The following ANKS3 variants were observed in gnomAD, a reference collection of about 807,000 sequenced individuals.
The protein encoded by ANKS3 is ankyrin repeat and SAM domain-containing protein 3.
ANKS3 carries 62 observed loss-of-function variants against 80.7 expected under a neutral mutation model. The ratio of observed to expected loss-of-function variants is 0.77; its 90% CI spans 0.63 to 0.95. The LOEUF is 0.95. ANKS3 is among the 40% of genes least tolerant of loss of function. The probability of loss-of-function intolerance (pLI) is 0.00; values close to 1 mark genes in which losing one functional copy is unlikely to be tolerated. For synonymous variants in ANKS3, 489 were observed against 355.3 expected (o/e 1.38, Z -4.23); for missense variants, 1,150 against 883.6 (o/e 1.30, Z -3.82).
intron 8 of ANKS3, among the ~76,000 whole-genome samples, chr16:4,703,413 C>G (rs1333972244): frequency 1.4e-5 from 2 of 140,992 alleles, no homozygotes; most frequent in East Asian, 2.3e-4. Flanking sequence ...CTGCACCTGG[C>G]CCCCCCAATT....
intron 6 of ANKS3, 48 bp from the exon 7 acceptor site, chr16:4,714,234 C>T: frequency 3.1e-6 from 5 of 1,604,898 alleles, no homozygotes; most frequent in Non-Finnish European, 4.3e-6. Flanking sequence ...TTCAAAGCAC[C>T]TGCCCTTCCT....
At chr16:4,701,854 C>A in intron 9 of ANKS3, 1 of 506,626 alleles carries the variant, frequency 2.0e-6, no homozygotes, top group East Asian at 3.4e-5. Flanking sequence ...GCCCTGAAAG[C>A]CTCAGGGGCT....
chr16:4,698,200 G>A (rs1282103339), intron 14 of ANKS3, 138 bp from the exon 15 acceptor site: 2 of 1,155,780 alleles, frequency 1.7e-6, no homozygotes, highest in African/African-American at 3.1e-5. Flanking sequence ...AGTGCCCCAT[G>A]AGGCTGCACT....
Position 4,714,110 on chromosome 16 carries a change from A to G in ANKS3, c.650T>C (p.Ile217Thr), listed in dbSNP as rs765380739. The stretch of plus-strand genomic sequence containing the variant: ...CGAGTAAGTGTCCATCAAGGCCACG[A>G]TCTTCATGTGTCCGTACTGCTTGGC... ...MLAKQYGHMK[I>T]VALMDTYSPS... Residue 217 changes from isoleucine (I) to threonine (T), a missense_variant, in exon 7 of 18, where the codon ATC (isoleucine) becomes ACC (threonine). Ile to Thr is a moderately conservative substitution (Grantham distance 89, BLOSUM62 -1). Transcript: ENST00000304283. The G allele has an allele frequency of 6.2e-7, 1 of 1,614,132 alleles. No homozygotes were observed. The highest frequency in any genetic ancestry group is 2.2e-5 in the East Asian group (1 of 44,878).
intron 7 of ANKS3, among the ~76,000 whole-genome samples, chr16:4,710,623 C>T (rs994105297): frequency 6.6e-6 from 1 of 151,954 alleles, no homozygotes; most frequent in Non-Finnish European, 1.5e-5. Flanking sequence ...GTAGAAGGAT[C>T]GTTTTGAGCC....
intron 6 of ANKS3, among the ~76,000 whole-genome samples, chr16:4,720,876 G>A (rs1197619639): frequency 2.0e-5 from 3 of 150,500 alleles, no homozygotes; most frequent in African/African-American, 7.3e-5. Flanking sequence ...GGCAGAGGTT[G>A]CAATGAGCCG....
At chr16:4,727,898 A>G (rs1011286977) in intron 3 of ANKS3, 1 of 153,054 alleles carries the variant, frequency 6.5e-6, no homozygotes, top group Middle Eastern at 3.4e-3. Context: ...CAAGGGAGTC[A>G]CATTTAAAAT....
At chr16:4,706,963 T>C (rs908616302) in intron 7 of ANKS3, among the ~76,000 whole-genome samples, 1 of 152,182 alleles carries the variant, frequency 6.6e-6, no homozygotes, top group Admixed American at 6.5e-5. Context: ...TGGGCCACTC[T>C]GTCCTTCCCC....
chr16:4,709,662 C>G (rs2080384070), intron 7 of ANKS3, among the ~76,000 whole-genome samples: 1 of 152,110 alleles, frequency 6.6e-6, no homozygotes. Flanking sequence ...TTTGTGGCAA[C>G]ATGAATAAGC....
At chr16:4,730,297 T>G (rs2081552973) in intron 2 of ANKS3, 146 bp from the exon 3 acceptor site, 1 of 708,720 alleles carries the variant, frequency 1.4e-6, no homozygotes, top group Non-Finnish European at 2.0e-6. Context: ...GACAAATTTA[T>G]TTGCTGAAAT....
At chr16:4,710,164 A>G (rs1053881682) in intron 7 of ANKS3, among the ~76,000 whole-genome samples, 1 of 152,204 alleles carries the variant, frequency 6.6e-6, no homozygotes, top group African/African-American at 2.4e-5. Flanking sequence ...CAATAGGTGT[A>G]AAATTACAGA....
At chr16:4,727,344 C>T (rs746746211) in intron 3 of ANKS3, 167 bp from the exon 4 acceptor site, 3 of 686,840 alleles carry the variant, frequency 4.4e-6, no homozygotes, top group Non-Finnish European at 7.5e-6. Flanking sequence ...AAAATGCTGA[C>T]AGTTGCTCGT....
Position 4,726,773 on chromosome 16 carries a change from G to C in ANKS3, c.377C>G (p.Ala126Gly). The C allele has an allele frequency of 6.2e-7, 1 of 1,612,948 alleles. No individual in the cohort carries two copies. Among genetic ancestry groups the C allele is most frequent in the Non-Finnish European group, 8.5e-7 (1 of 1,179,040 alleles). Residue 126 changes from alanine to glycine, a missense_variant, in exon 5 of 18, where the codon GCA becomes GGA. Coordinates refer to ENST00000304283, the MANE Select transcript of ANKS3 (RefSeq NM_133450.4). Reference protein sequence around the residue: ...SIAYFLLQQGAELEMKDIQGW... With the variant: ...SIAYFLLQQGGELEMKDIQGW... ...CTGGATGTCTTTCATTTCTAGCTCT[G>C]CACCTTGCTTCAAGAGAACACAGAA... is the stretch of plus-strand genomic sequence containing the variant.
At chr16:4,697,883 C>G in intron 15 of ANKS3, 94 bp downstream of exon 15, 2 of 1,198,592 alleles carry the variant, frequency 1.7e-6, no homozygotes, top group Non-Finnish European at 2.3e-6. Context: ...GGCTGCCGGC[C>G]GGAGAACCAG....
intron 10 of ANKS3, 100 bp from the exon 11 acceptor site, chr16:4,701,234 A>G: frequency 6.7e-7 from 1 of 1,482,962 alleles, no homozygotes; most frequent in Non-Finnish European, 9.1e-7. Flanking sequence ...GCTTCGTGAA[A>G]CCCCCCACCC....
Position 4,727,170 on chromosome 16 carries a change from ACT to A in ANKS3, c.176_177del (p.Glu59ValfsTer5). The A allele has an allele frequency of 6.2e-7, 1 of 1,613,612 alleles. No homozygotes were observed. Among genetic ancestry groups the A allele is most frequent in the Non-Finnish European group, 8.5e-7 (1 of 1,179,940 alleles). On this transcript the variant is annotated frameshift_variant, in exon 4 of 18. Transcript: ENST00000304283. LOFTEE classifies it high-confidence loss of function. Reference protein sequence around the residue: ...EVVKECVQRRELDLNKKNGGG... With the variant: ...EVVKECVQRRXLDLNKKNGGG... Reference sequence around the variant, plus strand: ...CCACCATTCTTCTTATTCAAATCTAACTCTCTCCTAAACAAACGCAAGATATG... The same window carrying A: ...CCACCATTCTTCTTATTCAAATCTAACTCTCCTAAACAAACGCAAGATATG...
chr16:4,731,284 T>C (rs2081602981), intron 2 of ANKS3, among the ~76,000 whole-genome samples: 1 of 152,130 alleles, frequency 6.6e-6, no homozygotes, highest in Admixed American at 6.5e-5. Context: ...TGTATGTAAA[T>C]TTTATTTATT....
chr16:4,713,049 C>A (rs901848244), intron 7 of ANKS3, among the ~76,000 whole-genome samples: 9 of 152,082 alleles, frequency 5.9e-5, no homozygotes, highest in African/African-American at 1.7e-4. Flanking sequence ...ATGGGTGGAT[C>A]ACCTGAGGTT....
chr16:4,713,483 C>A (rs1030708988), intron 7 of ANKS3, among the ~76,000 whole-genome samples: 1 of 152,076 alleles, frequency 6.6e-6, no homozygotes, highest in Non-Finnish European at 1.5e-5. Flanking sequence ...GGGAAAACCC[C>A]ATTTACAATA....
Sources: gnomAD v4.1 joint callset for allele counts (sites outside exome capture counted in the v4.1 genomes callset) on GRCh38, gnomAD v4.1.1 for gene constraint, MANE v1.5 for transcripts, NCBI Gene and HGNC (gene_info 2026-07-23, HGNC 2026-07-21) for gene names.